TMEM150C: variants seen among roughly 807,000 people sequenced by gnomAD.
TMEM150C encodes transmembrane protein 150C, also known as tentonin 3.
Under a neutral mutation model 29.9 loss-of-function variants are expected in TMEM150C, and 10 were observed. That is an observed-to-expected ratio of 0.33 (90% CI 0.21 to 0.57). The LOEUF (loss-of-function observed/expected upper bound fraction) is 0.57, where lower values mean the gene tolerates loss of function less well. Ranked by LOEUF, TMEM150C falls within the 20% of genes least tolerant of loss-of-function variation. TMEM150C has a pLI of 0.88. For missense variants in TMEM150C, 251 were observed against 303.6 expected (o/e 0.83, Z 1.29); for synonymous variants, 101 against 112.5 (o/e 0.90, Z 0.64).
chr4:82,499,896 A>G (rs1286695649), intron 5 of TMEM150C, among the ~76,000 whole-genome samples: 2 of 152,028 alleles, frequency 1.3e-5, no homozygotes, highest in Non-Finnish European at 2.9e-5. Flanking sequence ...TTGACTCTTT[A>G]TGCATCAATG....
intron 1 of TMEM150C, among the ~76,000 whole-genome samples, chr4:82,529,573 C>G (rs1227888600): frequency 6.6e-6 from 1 of 152,144 alleles, no homozygotes; most frequent in East Asian, 1.9e-4. Flanking sequence ...CAGGTATGAG[C>G]CACTATGCCC....
intron 6 of TMEM150C, among the ~76,000 whole-genome samples, chr4:82,492,872 A>G (rs868815442): frequency 0.026 from 3,211 of 122,374 alleles, 162 homozygotes; most frequent in African/African-American, 0.1. Context: ...GTGTATATAT[A>G]TATATATATA....
intron 1 of TMEM150C, among the ~76,000 whole-genome samples, chr4:82,542,403 T>C (rs1054432342): frequency 1.3e-5 from 2 of 152,232 alleles, no homozygotes; most frequent in Non-Finnish European, 2.9e-5. Flanking sequence ...GTTCAGATTA[T>C]ATGTGGCCTT....
At chr4:82,518,396 C>T (rs1007694480) in intron 1 of TMEM150C, among the ~76,000 whole-genome samples, 2 of 152,136 alleles carry the variant, frequency 1.3e-5, no homozygotes, top group African/African-American at 4.8e-5. Context: ...CCCTCAGCGG[C>T]TCTCCAAAGG....
chr4:82,484,717 C>CT lies in TMEM150C; in HGVS notation c.*793dup, dbSNP rs1723103618. On this transcript the variant is annotated 3_prime_UTR_variant, in exon 8 of 8. Transcript: ENST00000449862. ...GGCTTAGAGAGACTCATGGTAGTTA[C>CT]TTAAAAGAAACTATGAAATATAAAA... 1 of 152,184 alleles carries CT rather than the reference C, an allele frequency of 6.6e-6. No individual in the cohort carries two copies. Among genetic ancestry groups the CT allele is most frequent in the Admixed American group, 6.5e-5 (1 of 15,270 alleles). The allele number at this position is 152,184 out of a possible 1,614,324, so 9.4% of individuals were successfully genotyped here.
At chr4:82,541,131 TA>T (rs1725187443) in intron 1 of TMEM150C, among the ~76,000 whole-genome samples, 1 of 152,202 alleles carries the variant, frequency 6.6e-6, no homozygotes, top group Non-Finnish European at 1.5e-5. Flanking sequence ...AGAAGCTTAG[TA>T]AGGATGATTT....
At chr4:82,502,350 A>AT (rs1202720789) in intron 5 of TMEM150C, among the ~76,000 whole-genome samples, 1 of 152,152 alleles carries the variant, frequency 6.6e-6, no homozygotes, top group Non-Finnish European at 1.5e-5. Flanking sequence ...AAGCCCATGC[A>AT]TTTTTTTCAT....
At chr4:82,488,900 G>A (rs944576174) in intron 7 of TMEM150C, among the ~76,000 whole-genome samples, 2 of 151,944 alleles carry the variant, frequency 1.3e-5, no homozygotes, top group Admixed American at 6.6e-5. Flanking sequence ...ATTACAGCAT[G>A]AGCCACGGCA....
chr4:82,502,826 A>G lies in TMEM150C; in HGVS notation c.168-32T>C, dbSNP rs1223698972. The G allele has an allele frequency of 2.5e-6, 4 of 1,588,758 alleles. No individual in the cohort carries two copies. The African/African-American group carries it at 5.4e-5, about 21-fold the overall frequency. On this transcript the variant is annotated intron_variant, in intron 4 of 7. Transcript: ENST00000449862. ...AAAGATGAAATGTTTTATAGTTACT[A>G]TATCAAAATCTATAATCCTCCTAAC... is the stretch of plus-strand genomic sequence containing the variant.
intron 6 of TMEM150C, 47 bp downstream of exon 6, chr4:82,496,021 A>C (rs748693211): frequency 8.9e-5 from 144 of 1,610,980 alleles, no homozygotes; most frequent in Middle Eastern, 3.3e-4. Flanking sequence ...TCAGAAGTGA[A>C]GGTCTTACCA....
chr4:82,495,731 C>T, intron 6 of TMEM150C: 1 of 319,530 alleles, frequency 3.1e-6, no homozygotes, highest in South Asian at 3.6e-5. Context: ...TTGTTGTTCC[C>T]ACCACTGATT....
chr4:82,550,424 T>C (rs1725532614), intron 1 of TMEM150C, among the ~76,000 whole-genome samples: 1 of 152,040 alleles, frequency 6.6e-6, no homozygotes, highest in Non-Finnish European at 1.5e-5. Flanking sequence ...CAGATGGATA[T>C]ATAAGAAAGA....
At chr4:82,552,934 A>G (rs1163226005) in intron 1 of TMEM150C, among the ~76,000 whole-genome samples, 1 of 152,218 alleles carries the variant, frequency 6.6e-6, no homozygotes, top group Non-Finnish European at 1.5e-5. Flanking sequence ...GCAGCACAAG[A>G]AGCCAGATCA....
Position 82,509,887 on chromosome 4 carries a change from T to A in TMEM150C, c.-10-5220A>T, listed in dbSNP as rs531339629. 2.0e-5 allele frequency: 3 copies of A among 152,338 alleles called. No individual in the cohort carries two copies. In the East Asian group the frequency reaches 5.8e-4, roughly 29 times the overall value. 9.4% of individuals were successfully genotyped at this position (152,338 alleles called of 1,614,324 possible). ...GTCATCAAATTCAAAACAGATAGTT[T>A]GTACAGTGTTAGCTACTGAAGCTAC... On this transcript the variant is annotated intron_variant, in intron 1 of 7. Transcript: ENST00000449862.
chr4:82,496,900 A>T (rs1228521226), intron 5 of TMEM150C, among the ~76,000 whole-genome samples: 2 of 152,254 alleles, frequency 1.3e-5, no homozygotes, highest in African/African-American at 2.4e-5. Context: ...GACAATATTC[A>T]TACTTATGAA....
At chr4:82,518,505 G>A (rs774438119) in intron 1 of TMEM150C, among the ~76,000 whole-genome samples, 32 of 152,122 alleles carry the variant, frequency 2.1e-4, no homozygotes, top group Non-Finnish European at 4.3e-4. Context: ...AGCTTTTTAT[G>A]CCAGCTGCCT....
intron 1 of TMEM150C, 109 bp downstream of exon 1, chr4:82,561,797 T>A: frequency 1.2e-6 from 1 of 825,044 alleles, no homozygotes; most frequent in Non-Finnish European, 1.5e-6. Context: ...CCAGCCGCGC[T>A]GCAGCCCCCG....
upstream of TMEM150C, chr4:82,562,101 G>A: frequency 1.6e-6 from 2 of 1,228,504 alleles, no homozygotes; most frequent in Non-Finnish European, 2.1e-6. Flanking sequence ...CTAGGCCTTC[G>A]GGGAGAGTTG....
chr4:82,539,047 A>G (rs1291828896), intron 1 of TMEM150C, among the ~76,000 whole-genome samples: 1 of 152,168 alleles, frequency 6.6e-6, no homozygotes, highest in African/African-American at 2.4e-5. Context: ...AGCCTGGGGA[A>G]CAGACCTAGA....
Sources: gnomAD v4.1 joint callset for allele counts (sites outside exome capture counted in the v4.1 genomes callset) on GRCh38, gnomAD v4.1.1 for gene constraint, MANE v1.5 for transcripts, NCBI Gene and HGNC (gene_info 2026-07-23, HGNC 2026-07-21) for gene names.